Variants in FHIT observed in about 807,000 individuals in gnomAD.
FHIT encodes fragile histidine triad diadenosine triphosphatase.
FHIT carries 19 observed loss-of-function variants against 17.9 expected under a neutral mutation model. The ratio of observed to expected loss-of-function variants is 1.06; its 90% CI spans 0.74 to 1.56. The LOEUF is 1.56. Among genes scored for constraint, FHIT ranks in the 40% most tolerant of loss-of-function variants. FHIT has a pLI of 0.00. For synonymous variants in FHIT, 81 were observed against 69.7 expected, an observed-to-expected ratio of 1.16 and a Z score of -0.81; for missense variants, 248 against 189.2, an observed-to-expected ratio of 1.31 and a Z score of -1.82.
At chr3:60,092,100 A>G (rs1703758871) in intron 5 of FHIT, among the ~76,000 whole-genome samples, 1 of 152,188 alleles carries the variant, frequency 6.6e-6, no homozygotes, top group Admixed American at 6.5e-5. Flanking sequence ...TAATCTCTAG[A>G]TACATCTGCA....
chr3:60,062,495 A>C (rs967626129), intron 5 of FHIT, among the ~76,000 whole-genome samples: 1 of 152,202 alleles, frequency 6.6e-6, no homozygotes, highest in East Asian at 1.9e-4. Context: ...GAAGAAAATA[A>C]AGCTTCAAAA....
At chr3:60,190,619 GT>G (rs773968175) in intron 5 of FHIT, among the ~76,000 whole-genome samples, 3 of 151,856 alleles carry the variant, frequency 2.0e-5, no homozygotes, top group Non-Finnish European at 2.9e-5. Context: ...CTGTTGTGGG[GT>G]GGGGGAGCAG....
At chr3:60,023,576 T>C (rs1160676867) in intron 5 of FHIT, among the ~76,000 whole-genome samples, 3 of 152,066 alleles carry the variant, frequency 2.0e-5, no homozygotes, top group Admixed American at 1.3e-4. Flanking sequence ...GCCAAGCCAA[T>C]GGAGCAACCA....
chr3:59,816,347 T>G (rs1186854269), intron 8 of FHIT, among the ~76,000 whole-genome samples: 2 of 152,212 alleles, frequency 1.3e-5, no homozygotes, highest in African/African-American at 4.8e-5. Context: ...TGTGGACTTT[T>G]TGCGTTCATT....
chr3:59,761,564 C>CACAA (rs1701513576), intron 8 of FHIT, among the ~76,000 whole-genome samples: 1 of 151,780 alleles, frequency 6.6e-6, no homozygotes, highest in African/African-American at 2.4e-5. Context: ...TTCACAATTG[C>CACAA]ACAAACAGAA....
At chr3:60,815,793 C>T (rs1553737472) in intron 4 of FHIT, among the ~76,000 whole-genome samples, 2 of 151,806 alleles carry the variant, frequency 1.3e-5, no homozygotes, top group Non-Finnish European at 2.9e-5. Flanking sequence ...TTATAAACTA[C>T]CTGTATAAAA....
At chr3:60,935,064 T>C (rs945519968) in intron 3 of FHIT, among the ~76,000 whole-genome samples, 16 of 152,160 alleles carry the variant, frequency 1.1e-4, no homozygotes, top group Non-Finnish European at 2.2e-4. Flanking sequence ...ATATGTGAGA[T>C]GCATTGAGAG....
chr3:60,773,379 T>C (rs1427231296), intron 4 of FHIT, among the ~76,000 whole-genome samples: 2 of 152,204 alleles, frequency 1.3e-5, no homozygotes, highest in African/African-American at 4.8e-5. Flanking sequence ...TCCATAATCA[T>C]ATGGGTATCT....
At chr3:60,508,377 A>G (rs191862444) in intron 5 of FHIT, among the ~76,000 whole-genome samples, 17 of 152,240 alleles carry the variant, frequency 1.1e-4, no homozygotes, top group African/African-American at 3.8e-4. Flanking sequence ...TTTATCAATT[A>G]GGTTTGACTA....
chr3:60,637,948 C>G (rs1304789419), intron 4 of FHIT, among the ~76,000 whole-genome samples: 5 of 152,150 alleles, frequency 3.3e-5, no homozygotes, highest in Non-Finnish European at 5.9e-5. Context: ...CTATCAAAAC[C>G]TACTAGAGTA....
chr3:60,090,080 C>G (rs1703666036), intron 5 of FHIT, among the ~76,000 whole-genome samples: 1 of 152,118 alleles, frequency 6.6e-6, no homozygotes, highest in South Asian at 2.1e-4. Context: ...CCTTCTTGAT[C>G]TGGAGCCAAG....
chr3:59,913,674 C>T (rs1704993237), intron 8 of FHIT, among the ~76,000 whole-genome samples: 1 of 152,066 alleles, frequency 6.6e-6, no homozygotes, highest in South Asian at 2.1e-4. Context: ...TTAGTGCTCT[C>T]CCTAGGAGCA....
chr3:61,185,436 G>T (rs969651117), intron 2 of FHIT, among the ~76,000 whole-genome samples: 1 of 152,144 alleles, frequency 6.6e-6, no homozygotes, highest in Non-Finnish European at 1.5e-5. Context: ...ATCATCATAC[G>T]AACTTAATTT....
chr3:60,040,515 C>T (rs986129152), intron 5 of FHIT, among the ~76,000 whole-genome samples: 1 of 152,088 alleles, frequency 6.6e-6, no homozygotes, highest in African/African-American at 2.4e-5. Context: ...GAAACAGAGC[C>T]ATAATACATT....
At chr3:60,308,314 C>A (rs1708775774) in intron 5 of FHIT, among the ~76,000 whole-genome samples, 1 of 148,892 alleles carries the variant, frequency 6.7e-6, no homozygotes, top group Non-Finnish European at 1.5e-5. Context: ...GAGCTTACTG[C>A]ATTCCTTCAG....
intron 5 of FHIT, among the ~76,000 whole-genome samples, chr3:60,299,980 A>G (rs1708380308): frequency 6.6e-6 from 1 of 151,932 alleles, no homozygotes; most frequent in Admixed American, 6.6e-5. Flanking sequence ...TTTCGCTGTA[A>G]CCTTTCCTTT....
chr3:61,110,681 C>T (rs529417910), intron 2 of FHIT, among the ~76,000 whole-genome samples: 7 of 152,214 alleles, frequency 4.6e-5, no homozygotes, highest in East Asian at 1.9e-4. Context: ...AAAACTCATC[C>T]GTCACTGAGA....
At chr3:61,168,777 TACAA>T (rs1178550945) in intron 2 of FHIT, among the ~76,000 whole-genome samples, 5 of 152,246 alleles carry the variant, frequency 3.3e-5, no homozygotes, top group African/African-American at 1.2e-4. Flanking sequence ...AATGAATTCT[TACAA>T]ACAACCTGAT....
chr3:60,188,674 C>T lies in FHIT; in HGVS notation c.104-174522G>A, dbSNP rs1702269650. On this transcript the variant is annotated intron_variant, in intron 5 of 9. Coordinates refer to ENST00000492590, the MANE Select transcript of FHIT (RefSeq NM_002012.4). Reference sequence around the variant, plus strand: ...TTTTCCAAACTTCTTTACATTGCATCATAATATATATCACACCATGATGAC... The same window carrying T: ...TTTTCCAAACTTCTTTACATTGCATTATAATATATATCACACCATGATGAC... Among the ~76,000 whole-genome samples the T allele has an allele frequency of 2.6e-5, 4 of 152,244 alleles. No homozygotes were observed. In the South Asian group the frequency reaches 8.3e-4, roughly 32 times the overall value.
Sources: allele counts gnomAD v4.1 joint callset (sites outside exome capture counted in the v4.1 genomes callset), GRCh38; gene constraint gnomAD v4.1.1; transcripts MANE v1.5; gene names NCBI Gene and HGNC (gene_info 2026-07-23, HGNC 2026-07-21).